Variants in MIS18A observed in about 807,000 individuals in gnomAD.
MIS18A encodes the protein protein Mis18-alpha.
In MIS18A, 14 loss-of-function variants were observed where a neutral mutation model predicts 25.0. That is an observed-to-expected ratio of 0.56 (90% confidence interval 0.37 to 0.88). The LOEUF is 0.88. Among genes scored for constraint, MIS18A ranks in the 40% least tolerant of loss-of-function variants. The pLI is 0.00. For missense variants in MIS18A, 292 were observed against 290.8 expected, an observed-to-expected ratio of 1.00 and a Z score of -0.03; for synonymous variants, 134 against 118.6, an observed-to-expected ratio of 1.13 and a Z score of -0.84.
chr21:32,210,653 C>T, the MIS18A span, among the ~76,000 whole-genome samples: 7 of 152,104 alleles, frequency 4.6e-5, no homozygotes, highest in East Asian at 3.8e-4. Context: ...GGAACAGTGT[C>T]GGGGGAGCAG....
the MIS18A span, among the ~76,000 whole-genome samples, chr21:32,197,206 G>A: frequency 6.6e-6 from 1 of 152,190 alleles, no homozygotes; most frequent in Non-Finnish European, 1.5e-5. Flanking sequence ...AGGAAATTTT[G>A]AAGCCAAGCA....
the MIS18A span, among the ~76,000 whole-genome samples, chr21:32,238,237 C>T: frequency 1.3e-5 from 2 of 152,302 alleles, no homozygotes; most frequent in Non-Finnish European, 2.9e-5. Context: ...TTGTAAGAAT[C>T]CACATGGCTA....
the MIS18A span, among the ~76,000 whole-genome samples, chr21:32,220,189 C>T: frequency 1.3e-5 from 2 of 152,198 alleles, no homozygotes; most frequent in African/African-American, 2.4e-5. Flanking sequence ...TGTGAGACAC[C>T]TCCCAGCAGG....
chr21:32,196,287 G>A, the MIS18A span, among the ~76,000 whole-genome samples: 3 of 152,196 alleles, frequency 2.0e-5, no homozygotes, highest in Admixed American at 2.0e-4. Flanking sequence ...CTATCTTCAA[G>A]CTGAGACATT....
At chr21:32,265,475 G>A (rs1218767277), downstream of MIS18A, among the ~76,000 whole-genome samples, 1 of 152,246 alleles carries the variant, frequency 6.6e-6, no homozygotes, top group Non-Finnish European at 1.5e-5. Context: ...TAGCACCTGG[G>A]CCAGTGGCTG....
At chr21:32,241,995 C>CA in the MIS18A span, among the ~76,000 whole-genome samples, 5 of 152,352 alleles carry the variant, frequency 3.3e-5, no homozygotes, top group Non-Finnish European at 4.4e-5. Context: ...TCTCCTGCCT[C>CA]AGCCTCCCGA....
chr21:32,276,784 G>A (rs917736445), intron 1 of MIS18A, among the ~76,000 whole-genome samples: 2 of 152,026 alleles, frequency 1.3e-5, no homozygotes. Context: ...TTAAAGATTA[G>A]CCAGGTGTTA....
chr21:32,234,774 C>G, the MIS18A span, among the ~76,000 whole-genome samples: 1 of 152,136 alleles, frequency 6.6e-6, no homozygotes, highest in Non-Finnish European at 1.5e-5. Context: ...TCACTAGAAG[C>G]CCAGCAGATG....
the MIS18A span, chr21:32,260,083 G>GTTTTTTTTTTTTTTTTT: frequency 2.9e-5 from 2 of 69,910 alleles, no homozygotes; most frequent in African/African-American, 1.1e-4. Flanking sequence ...ATTTTTCTCA[G>GTTTTTTTTTTTTTTTTT]CTTTTTTTTT....
the MIS18A span, among the ~76,000 whole-genome samples, chr21:32,159,602 A>T: frequency 6.6e-6 from 1 of 152,228 alleles, no homozygotes; most frequent in Non-Finnish European, 1.5e-5. Context: ...CCTGTGACAC[A>T]GCTCTCAGCG....
the MIS18A span, chr21:32,261,544 A>G: frequency 6.6e-6 from 1 of 152,254 alleles, no homozygotes; most frequent in Non-Finnish European, 1.5e-5. Flanking sequence ...CGATGCAGCA[A>G]CATTCATTTG....
At chr21:32,200,877 A>G in the MIS18A span, among the ~76,000 whole-genome samples, 5 of 152,128 alleles carry the variant, frequency 3.3e-5, no homozygotes, top group African/African-American at 1.2e-4. Context: ...AAACTCTCCT[A>G]ATTATCTTTT....
chr21:32,267,426 G>A (rs1284252824), downstream of MIS18A, among the ~76,000 whole-genome samples: 6 of 152,220 alleles, frequency 3.9e-5, no homozygotes, highest in African/African-American at 1.4e-4. Context: ...ACTAAGGCAT[G>A]AGCTACATTT....
chr21:32,240,757 C>T, the MIS18A span, among the ~76,000 whole-genome samples: 10 of 117,910 alleles, frequency 8.5e-5, no homozygotes, highest in Middle Eastern at 3.9e-3. Flanking sequence ...CAGACACTGA[C>T]GCCCAAAAGA....
the MIS18A span, among the ~76,000 whole-genome samples, chr21:32,216,455 A>C: frequency 6.6e-6 from 1 of 152,218 alleles, no homozygotes; most frequent in Non-Finnish European, 1.5e-5. Flanking sequence ...TCCAGTGCAA[A>C]AAGCCTTTTC....
At chr21:32,259,690 G>T in the MIS18A span, 1 of 152,150 alleles carries the variant, frequency 6.6e-6, no homozygotes, top group African/African-American at 2.4e-5. Context: ...GTATCTGCCG[G>T]GCTTCTCCCT....
At chr21:32,157,223 A>ATTTTTTTTTTTTTTTTTTT in the MIS18A span, among the ~76,000 whole-genome samples, 105 of 72,296 alleles carry the variant, frequency 1.5e-3, 5 homozygotes, top group Non-Finnish European at 1.6e-3. Context: ...TACCCGGCTA[A>ATTTTTTTTTTTTTTTTTTT]TTTTTTTTTT....
At chr21:32,227,792 C>T in the MIS18A span, among the ~76,000 whole-genome samples, 7 of 152,148 alleles carry the variant, frequency 4.6e-5, no homozygotes, top group African/African-American at 1.7e-4. Flanking sequence ...TATATGCAAA[C>T]TTCTGAACAT....
chr21:32,194,341 G>GAT, the MIS18A span, among the ~76,000 whole-genome samples: 25 of 151,246 alleles, frequency 1.7e-4, no homozygotes, highest in East Asian at 5.8e-4. Context: ...CCATATGTAT[G>GAT]ATATATATAT....
Sources: allele counts gnomAD v4.1 joint callset (sites outside exome capture counted in the v4.1 genomes callset), GRCh38; gene constraint gnomAD v4.1.1; transcripts MANE v1.5; gene names NCBI Gene and HGNC (gene_info 2026-07-23, HGNC 2026-07-21).